SORCS1: variants seen among roughly 807,000 people sequenced by gnomAD.
The protein encoded by SORCS1 is sortilin related VPS10 domain containing receptor 1.
SORCS1 carries 60 observed loss-of-function variants against 146.1 expected under a neutral mutation model. The ratio of observed to expected loss-of-function variants is 0.41; its 90% confidence interval spans 0.33 to 0.51. The LOEUF (loss-of-function observed/expected upper bound fraction) is 0.51. SORCS1 is among the 20% of genes least tolerant of loss of function. The pLI is 0.21. For synonymous variants in SORCS1, 637 were observed against 584.0 expected (o/e 1.09, Z -1.31); for missense variants, 1,352 against 1,487.6 (o/e 0.91, Z 1.50).
intron 1 of SORCS1, among the ~76,000 whole-genome samples, chr10:106,986,502 A>T (rs1000333705): frequency 7.0e-6 from 1 of 141,866 alleles, no homozygotes; most frequent in Non-Finnish European, 1.5e-5. Flanking sequence ...TTAAGAATAT[A>T]TATACAACCG....
intron 3 of SORCS1, among the ~76,000 whole-genome samples, chr10:106,821,067 C>T (rs996499533): frequency 4.6e-5 from 7 of 152,140 alleles, no homozygotes; most frequent in East Asian, 3.8e-4. Flanking sequence ...AAGAAGATTG[C>T]GCAGATAGTC....
intron 2 of SORCS1, among the ~76,000 whole-genome samples, chr10:106,943,795 G>A (rs1357649529): frequency 3.3e-5 from 5 of 152,142 alleles, no homozygotes; most frequent in Admixed American, 6.5e-5. Context: ...AGGCAACAGA[G>A]TGAGACTCCA....
At chr10:107,145,015 T>G (rs750211554) in intron 1 of SORCS1, among the ~76,000 whole-genome samples, 7 of 152,252 alleles carry the variant, frequency 4.6e-5, no homozygotes, top group Admixed American at 1.3e-4. Context: ...TGCTATTTAA[T>G]CTATCTCCCT....
At position 106,875,069 on chromosome 10, in the gene SORCS1, T is replaced by C. The variant is rs374431644; in HGVS notation, c.627-45396A>G. On this transcript the variant is annotated intron_variant, in intron 2 of 25. Transcript: ENST00000263054. Reference sequence around the variant, plus strand: ...TTTAGTGCACCCATCACCTGGGTAGTGTACATCGTACCCAATACGTAGTTT... The same window carrying C: ...TTTAGTGCACCCATCACCTGGGTAGCGTACATCGTACCCAATACGTAGTTT... Among the ~76,000 whole-genome samples, 3 of 152,180 alleles carry C rather than the reference T, an allele frequency of 2.0e-5. 1 individual carries two copies. In the South Asian group the frequency reaches 6.2e-4, roughly 31 times the overall value.
intron 3 of SORCS1, among the ~76,000 whole-genome samples, chr10:106,808,552 G>A (rs1056873319): frequency 1.8e-4 from 27 of 152,086 alleles, no homozygotes; most frequent in African/African-American, 6.5e-4. Context: ...GCCCAGTCTG[G>A]AGTGCAGTGG....
At chr10:107,041,643 T>G (rs1045143795) in intron 1 of SORCS1, among the ~76,000 whole-genome samples, 7 of 152,256 alleles carry the variant, frequency 4.6e-5, no homozygotes, top group Middle Eastern at 3.4e-3. Flanking sequence ...AACATTTTTG[T>G]TCCTATATTC....
chr10:106,800,938 T>C (rs1946837324), intron 3 of SORCS1, among the ~76,000 whole-genome samples: 1 of 152,136 alleles, frequency 6.6e-6, no homozygotes, highest in Admixed American at 6.6e-5. Context: ...CACCCTGGGA[T>C]TAATGCTATC....
At chr10:106,831,210 T>A (rs115125227) in intron 2 of SORCS1, among the ~76,000 whole-genome samples, 5,828 of 150,438 alleles carry the variant, frequency 0.039, 291 homozygotes, top group East Asian at 0.23. Flanking sequence ...TCAAAAAAAA[T>A]AAATAAATAA....
intron 1 of SORCS1, among the ~76,000 whole-genome samples, chr10:106,962,110 C>A (rs544605042): frequency 1.3e-5 from 2 of 151,968 alleles, no homozygotes; most frequent in African/African-American, 4.8e-5. Flanking sequence ...AAAATGGGGA[C>A]ATATCAGGGC....
the SORCS1 span, among the ~76,000 whole-genome samples, chr10:107,179,131 T>C: frequency 6.6e-6 from 1 of 152,180 alleles, no homozygotes. Flanking sequence ...ATTTCTTATT[T>C]TGTGTCTTTT....
chr10:107,115,748 G>A (rs1238740717), intron 1 of SORCS1, among the ~76,000 whole-genome samples: 4 of 151,948 alleles, frequency 2.6e-5, no homozygotes, highest in African/African-American at 9.7e-5. Flanking sequence ...ACAAACAAAT[G>A]GGAGTACATA....
chr10:107,126,819 C>T (rs1966739223), intron 1 of SORCS1, among the ~76,000 whole-genome samples: 1 of 151,928 alleles, frequency 6.6e-6, no homozygotes, highest in South Asian at 2.1e-4. Context: ...GAATCAGTTG[C>T]AAGCAGAAGG....
At chr10:106,824,158 G>C (rs1317431726) in intron 3 of SORCS1, among the ~76,000 whole-genome samples, 3 of 151,704 alleles carry the variant, frequency 2.0e-5, no homozygotes, top group African/African-American at 7.3e-5. Flanking sequence ...ACAAAAATTA[G>C]TTGGGTGTGG....
At chr10:106,986,775 C>A (rs1055926375) in intron 1 of SORCS1, among the ~76,000 whole-genome samples, 6 of 152,098 alleles carry the variant, frequency 3.9e-5, no homozygotes, top group African/African-American at 1.4e-4. Flanking sequence ...TAAATATTTT[C>A]ATTTTAGATC....
chr10:106,849,923 TGAG>T (rs1051880469), intron 2 of SORCS1, among the ~76,000 whole-genome samples: 1 of 152,142 alleles, frequency 6.6e-6, no homozygotes, highest in African/African-American at 2.4e-5. Flanking sequence ...GGGACCCACT[TGAG>T]GAGGCAGTCT....
At chr10:107,086,356 C>T (rs896930383) in intron 1 of SORCS1, among the ~76,000 whole-genome samples, 3 of 152,160 alleles carry the variant, frequency 2.0e-5, no homozygotes, top group African/African-American at 7.2e-5. Flanking sequence ...TACCTAACCT[C>T]ATTTAAAGAC....
intron 2 of SORCS1, among the ~76,000 whole-genome samples, chr10:106,915,738 T>C (rs749429514): frequency 3.9e-5 from 6 of 151,980 alleles, no homozygotes; most frequent in African/African-American, 7.3e-5. Flanking sequence ...TGAGGAAGAG[T>C]GGCTTCATTA....
chr10:107,030,068 ATTTTAACCGTT>A (rs1343957426), intron 1 of SORCS1, among the ~76,000 whole-genome samples: 3 of 151,982 alleles, frequency 2.0e-5, no homozygotes, highest in Non-Finnish European at 4.4e-5. Context: ...TTCTAAAAGT[ATTTTAACCGTT>A]TTTCTACTTG....
At chr10:106,792,846 A>T (rs2136535988) in intron 3 of SORCS1, among the ~76,000 whole-genome samples, 1 of 152,324 alleles carries the variant, frequency 6.6e-6, no homozygotes, top group South Asian at 2.1e-4. Flanking sequence ...AAAAAATTAA[A>T]ATTTTTAGAA....
Sources: allele counts gnomAD v4.1 joint callset (sites outside exome capture counted in the v4.1 genomes callset), GRCh38; gene constraint gnomAD v4.1.1; transcripts MANE v1.5; gene names NCBI Gene and HGNC (gene_info 2026-07-23, HGNC 2026-07-21).